The following IMMP2L variants were observed in gnomAD, a reference collection of about 807,000 sequenced individuals.
IMMP2L encodes the protein mitochondrial inner membrane protease subunit 2.
IMMP2L carries 18 observed loss-of-function variants against 19.3 expected under a neutral mutation model. The observed-to-expected ratio is 0.93, with a 90% CI of 0.64 to 1.38. The LOEUF is 1.38. Among genes scored for constraint, IMMP2L ranks in the 40% most tolerant of loss-of-function variants. IMMP2L has a pLI of 0.00. For missense variants in IMMP2L, 233 were observed against 218.2 expected (o/e 1.07, Z -0.43); for synonymous variants, 76 against 73.0 (o/e 1.04, Z -0.21).
intron 3 of IMMP2L, among the ~76,000 whole-genome samples, chr7:111,154,785 A>C (rs1015495793): frequency 2.0e-5 from 3 of 151,982 alleles, no homozygotes; most frequent in Admixed American, 6.6e-5. Context: ...ACAAGGTCTC[A>C]CTCTGTCAGT....
intron 5 of IMMP2L, among the ~76,000 whole-genome samples, chr7:110,740,762 G>A (rs902979621): frequency 7.9e-5 from 12 of 151,960 alleles, no homozygotes; most frequent in African/African-American, 2.9e-4. Context: ...AAAAAATAGA[G>A]TTGGCATGGA....
chr7:111,056,570 G>T (rs1793528039), intron 3 of IMMP2L, among the ~76,000 whole-genome samples: 1 of 152,188 alleles, frequency 6.6e-6, no homozygotes, highest in South Asian at 2.1e-4. Flanking sequence ...TAGAGTTGCT[G>T]ACTCTGCACT....
chr7:111,559,290 T>C (rs1001740504), intron 1 of IMMP2L, among the ~76,000 whole-genome samples: 3 of 152,190 alleles, frequency 2.0e-5, no homozygotes, highest in African/African-American at 7.2e-5. Flanking sequence ...GTATATTAAA[T>C]CCACAACTTG....
At chr7:110,938,345 T>C (rs868401021) in intron 4 of IMMP2L, among the ~76,000 whole-genome samples, 2 of 152,146 alleles carry the variant, frequency 1.3e-5, no homozygotes, top group East Asian at 1.9e-4. Context: ...AAGTATTTCA[T>C]AATAAAAGCC....
At chr7:110,696,988 A>C (rs1259586420) in intron 5 of IMMP2L, among the ~76,000 whole-genome samples, 1 of 152,158 alleles carries the variant, frequency 6.6e-6, no homozygotes, top group Non-Finnish European at 1.5e-5. Context: ...AGACATCCTT[A>C]AAGGTATGAG....
intron 3 of IMMP2L, among the ~76,000 whole-genome samples, chr7:111,467,296 A>C (rs1035850277): frequency 6.6e-6 from 1 of 152,184 alleles, no homozygotes; most frequent in Admixed American, 6.5e-5. Context: ...TATGTAAAGT[A>C]TTTAGAACAA....
chr7:110,705,885 G>A (rs950909770), intron 5 of IMMP2L, among the ~76,000 whole-genome samples: 4 of 151,998 alleles, frequency 2.6e-5, no homozygotes, highest in Non-Finnish European at 5.9e-5. Context: ...TTGCTGCAAA[G>A]GACATGATTT....
chr7:110,913,397 T>C (rs923052921), intron 4 of IMMP2L, among the ~76,000 whole-genome samples: 5 of 151,860 alleles, frequency 3.3e-5, no homozygotes, highest in African/African-American at 1.2e-4. Context: ...TTCTGCTATA[T>C]AAGAGCAGAA....
chr7:111,184,360 A>C (rs1434834400), intron 3 of IMMP2L, among the ~76,000 whole-genome samples: 1 of 152,074 alleles, frequency 6.6e-6, no homozygotes, highest in Non-Finnish European at 1.5e-5. Context: ...ATTTACAAAA[A>C]TTATGTTGTA....
chr7:111,382,178 G>C lies in IMMP2L; in HGVS notation c.239+105060C>G, dbSNP rs552819320. On this transcript the variant is annotated intron_variant, in intron 3 of 5. Transcript: ENST00000405709. ...ACAAAAATTCTGAAAAGGAGAGAGA[G>C]GACAGACAGCAAGTTCACTAACAAA... Among the ~76,000 whole-genome samples, 4 of 151,452 alleles carry C rather than the reference G, an allele frequency of 2.6e-5. No homozygotes were observed. In the East Asian group the frequency reaches 7.8e-4, roughly 29 times the overall value.
At chr7:110,994,473 A>T (rs957146762) in intron 3 of IMMP2L, among the ~76,000 whole-genome samples, 4 of 152,138 alleles carry the variant, frequency 2.6e-5, no homozygotes, top group Admixed American at 2.6e-4. Flanking sequence ...CAGAACCCAC[A>T]CGTAGCACTT....
chr7:111,280,968 G>C (rs1819631899), intron 3 of IMMP2L, among the ~76,000 whole-genome samples: 1 of 151,884 alleles, frequency 6.6e-6, no homozygotes, highest in Non-Finnish European at 1.5e-5. Flanking sequence ...TACTTGGGAG[G>C]CTGAGGTAGG....
intron 3 of IMMP2L, among the ~76,000 whole-genome samples, chr7:111,073,064 C>T (rs952631772): frequency 2.0e-5 from 3 of 152,016 alleles, no homozygotes; most frequent in African/African-American, 7.3e-5. Flanking sequence ...TAGCACTGTA[C>T]TGATGTTAAA....
At chr7:111,275,110 C>T (rs188642892) in intron 3 of IMMP2L, among the ~76,000 whole-genome samples, 2 of 152,246 alleles carry the variant, frequency 1.3e-5, no homozygotes, top group East Asian at 3.9e-4. Context: ...AATGCAATTG[C>T]ACTGTGCATA....
At chr7:110,939,388 CA>C (rs58982346) in intron 4 of IMMP2L, among the ~76,000 whole-genome samples, 18,200 of 125,570 alleles carry the variant, frequency 0.14, 1,184 homozygotes, top group African/African-American at 0.21. Flanking sequence ...TGCAAAATTG[CA>C]AAAAAAAAAA....
At chr7:110,883,855 G>C (rs1396983417) in intron 5 of IMMP2L, among the ~76,000 whole-genome samples, 1 of 151,930 alleles carries the variant, frequency 6.6e-6, no homozygotes, top group Non-Finnish European at 1.5e-5. Flanking sequence ...TTTAAAGCTA[G>C]ATAAAAATGA....
At chr7:111,090,612 A>AG (rs1683006696) in intron 3 of IMMP2L, among the ~76,000 whole-genome samples, 1 of 150,540 alleles carries the variant, frequency 6.6e-6, no homozygotes, top group South Asian at 2.1e-4. Context: ...TCATTGCTAA[A>AG]AAAAAAAAAA....
At chr7:110,851,058 G>A (rs1806169256) in intron 5 of IMMP2L, among the ~76,000 whole-genome samples, 1 of 152,100 alleles carries the variant, frequency 6.6e-6, no homozygotes. Flanking sequence ...GCAGTAATTA[G>A]GACGTTGATT....
At chr7:111,497,887 C>A (rs11983982) in intron 2 of IMMP2L, among the ~76,000 whole-genome samples, 3,019 of 151,496 alleles carry the variant, frequency 0.02, 99 homozygotes, top group African/African-American at 0.069. Context: ...AATAATTTTT[C>A]ACTATTAGTA....
Sources: allele counts gnomAD v4.1 joint callset (sites outside exome capture counted in the v4.1 genomes callset), GRCh38; gene constraint gnomAD v4.1.1; transcripts MANE v1.5; gene names NCBI Gene and HGNC (gene_info 2026-07-23, HGNC 2026-07-21).